The following MGA variants were observed in gnomAD, a reference collection of about 807,000 sequenced individuals.
MGA encodes the protein MAX gene-associated protein.
Under a neutral mutation model 261.1 loss-of-function variants are expected in MGA, and 40 were observed. That is an observed-to-expected ratio of 0.15 (90% confidence interval 0.12 to 0.20). MGA has a LOEUF of 0.20. MGA is among the 10% of genes least tolerant of loss of function. The pLI, the probability that MGA is intolerant of heterozygous loss-of-function variation, is 1.00. For synonymous variants in MGA, 1,302 were observed against 1,290.6 expected (o/e 1.01, Z -0.19); for missense variants, 3,397 against 3,630.5 (o/e 0.94, Z 1.65).
Position 41,749,593 on chromosome 15 carries a change from T to G in MGA, c.5986T>G (p.Ser1996Ala). Residue 1996 changes from serine to alanine, a missense_variant, in exon 17 of 24, where the codon TCA (serine) becomes GCA (alanine). By Grantham distance (99) the Ser-to-Ala change is moderately conservative. Around this residue, in one of 9 missense-constraint regions of MGA, gnomAD observed 1,410 missense variants for 1,386.4 expected, o/e 1.02. Transcript: ENST00000219905. Reference sequence around the variant, plus strand: ...GCAAGAAACGAAGAAGGTTCTACAGTCAGAAGGAGAGGCTGTAGACCCTGA... The same window carrying G: ...GCAAGAAACGAAGAAGGTTCTACAGGCAGAAGGAGAGGCTGTAGACCCTGA... The G allele has an allele frequency of 6.2e-7, 1 of 1,613,766 alleles. No individual in the cohort carries two copies. Among genetic ancestry groups the G allele is most frequent in the Non-Finnish European group, 8.5e-7 (1 of 1,179,848 alleles).
intron 1 of MGA, among the ~76,000 whole-genome samples, chr15:41,666,540 C>G (rs1386215466): frequency 6.6e-6 from 1 of 152,152 alleles, no homozygotes; most frequent in Non-Finnish European, 1.5e-5. Context: ...ATGCAGTAGA[C>G]TCATGTAAAC....
intron 1 of MGA, among the ~76,000 whole-genome samples, chr15:41,645,709 C>T (rs866596244): frequency 4.6e-5 from 7 of 152,172 alleles, no homozygotes; most frequent in South Asian, 4.1e-4. Context: ...GAGAAATTCC[C>T]TTTTCACTTG....
At chr15:41,683,789 C>CA (rs1417791747) in intron 2 of MGA, among the ~76,000 whole-genome samples, 1 of 151,874 alleles carries the variant, frequency 6.6e-6, no homozygotes, top group African/African-American at 2.4e-5. Flanking sequence ...CCATGTTGCC[C>CA]AGGCTGGTCT....
intron 2 of MGA, among the ~76,000 whole-genome samples, chr15:41,682,269 A>T (rs555601966): frequency 1.3e-5 from 2 of 152,100 alleles, no homozygotes; most frequent in South Asian, 4.2e-4. Context: ...ACATACACAC[A>T]CACGTACATA....
At chr15:41,645,322 G>T (rs1434729914) in intron 1 of MGA, among the ~76,000 whole-genome samples, 1 of 152,232 alleles carries the variant, frequency 6.6e-6, no homozygotes, top group Non-Finnish European at 1.5e-5. Flanking sequence ...GAGTGCGGTG[G>T]CTCACGCCTG....
At position 41,742,554 on chromosome 15, in the gene MGA, C is replaced by T. The variant is rs2062178593; in HGVS notation, c.4594C>T (p.Pro1532Ser). ...CAAATTTCTGTTTGCAGCGGCTCGA[C>T]CCTCTCCTGGTGGTGTGTTCACACA... Residue 1532 changes from proline to serine, a missense_variant, in exon 15 of 24, where the codon CCC becomes TCC. By Grantham distance (74) the Pro-to-Ser change is moderately conservative (BLOSUM62 -1). Coordinates refer to ENST00000219905, the MANE Select transcript of MGA (RefSeq NM_001164273.2). The T allele has an allele frequency of 6.2e-6, 10 of 1,611,730 alleles. No homozygotes were observed. In the East Asian group the frequency reaches 8.9e-5, roughly 14 times the overall value.
At chr15:41,733,521 T>G (rs920541950) in intron 11 of MGA, among the ~76,000 whole-genome samples, 1 of 152,216 alleles carries the variant, frequency 6.6e-6, no homozygotes, top group Non-Finnish European at 1.5e-5. Flanking sequence ...CCACCTTCGC[T>G]TGTACTGCCA....
intron 2 of MGA, among the ~76,000 whole-genome samples, chr15:41,678,692 G>A (rs1163391940): frequency 2.6e-5 from 4 of 151,348 alleles, no homozygotes; most frequent in Non-Finnish European, 4.4e-5. Flanking sequence ...GCTTGAACCC[G>A]GGAGGCGGAG....
intron 10 of MGA, 120 bp downstream of exon 10, chr15:41,727,526 T>G: frequency 1.1e-6 from 1 of 897,738 alleles, no homozygotes; most frequent in East Asian, 2.4e-5. Context: ...AATATGTTTA[T>G]AAGATATCTT....
intron 2 of MGA, among the ~76,000 whole-genome samples, chr15:41,686,639 A>ATGTTGAAATACT (rs1175420687): frequency 2.0e-5 from 3 of 151,976 alleles, no homozygotes; most frequent in African/African-American, 4.8e-5. Context: ...GCTCTTTATC[A>ATGTTGAAATACT]TGTTGAAATA....
At chr15:41,732,295 C>G (rs1567046989) in intron 11 of MGA, among the ~76,000 whole-genome samples, 1 of 151,980 alleles carries the variant, frequency 6.6e-6, no homozygotes, top group East Asian at 1.9e-4. Flanking sequence ...CTACAGGCAC[C>G]CGCCACCACG....
intron 2 of MGA, among the ~76,000 whole-genome samples, chr15:41,672,866 GCA>G (rs5812197): frequency 0.029 from 4,306 of 150,346 alleles, 126 homozygotes; most frequent in African/African-American, 0.078. Context: ...ACATGCGTGT[GCA>G]CACACACACA....
At chr15:41,695,967 A>G (rs1286657462) in intron 2 of MGA, 108 bp from the exon 3 acceptor site, 10 of 825,116 alleles carry the variant, frequency 1.2e-5, no homozygotes, top group Non-Finnish European at 1.9e-5. Context: ...GGCTCAGGAA[A>G]TCTGATGTGT....
At position 41,668,526 on chromosome 15, in the gene MGA, T is replaced by A. The variant is rs184106057; in HGVS notation, c.-67-302T>A. Among the ~76,000 whole-genome samples the A allele has an allele frequency of 5.7e-3, 873 of 152,106 alleles. 7 individuals carry two copies. The highest frequency in any genetic ancestry group is 0.02 in the African/African-American group (835 of 41,446). On this transcript the variant is annotated intron_variant, in intron 1 of 23. Coordinates refer to ENST00000219905, the MANE Select transcript of MGA (RefSeq NM_001164273.2). ...AACTTTTTAATTTTGTATACTTTTT[T>A]AATAATGAATATACTCTTTTGTTTC...
intron 1 of MGA, among the ~76,000 whole-genome samples, chr15:41,630,358 G>A (rs2056561977): frequency 6.6e-6 from 1 of 152,096 alleles, no homozygotes; most frequent in Non-Finnish European, 1.5e-5. Flanking sequence ...TACAAAATCA[G>A]TTGGCATTTT....
At chr15:41,740,229 G>A in intron 14 of MGA, 26 bp downstream of exon 14, 1 of 1,609,944 alleles carries the variant, frequency 6.2e-7, no homozygotes, top group Non-Finnish European at 8.5e-7. Flanking sequence ...TGTATGGTTT[G>A]GAAAGGCCTA....
At chr15:41,666,762 A>G (rs2057763888) in intron 1 of MGA, among the ~76,000 whole-genome samples, 1 of 152,180 alleles carries the variant, frequency 6.6e-6, no homozygotes, top group Non-Finnish European at 1.5e-5. Context: ...TTACCATTTT[A>G]AGGACTTCTC....
At chr15:41,659,327 C>G (rs2057282236), upstream of MGA, among the ~76,000 whole-genome samples, 1 of 152,004 alleles carries the variant, frequency 6.6e-6, no homozygotes, top group African/African-American at 2.4e-5. Flanking sequence ...TCTGTTGACT[C>G]CTTCCTTAGT....
At chr15:41,754,222 A>G (rs1190219758) in intron 17 of MGA, among the ~76,000 whole-genome samples, 1 of 152,148 alleles carries the variant, frequency 6.6e-6, no homozygotes, top group Non-Finnish European at 1.5e-5. Context: ...GCTCACATAT[A>G]TATATGACTT....
Sources: gnomAD v4.1 joint callset for allele counts (sites outside exome capture counted in the v4.1 genomes callset) on GRCh38, gnomAD v4.1.1 for gene constraint, gnomAD v4.1.1 regional missense constraint, MANE v1.5 for transcripts, NCBI Gene and HGNC (gene_info 2026-07-23, HGNC 2026-07-21) for gene names.